CPXM2: variants seen among roughly 807,000 people sequenced by gnomAD.
The protein encoded by CPXM2 is inactive carboxypeptidase-like protein X2.
CPXM2 carries 66 observed loss-of-function variants against 86.1 expected under a neutral mutation model. The ratio of observed to expected loss-of-function variants is 0.77; its 90% CI spans 0.63 to 0.94. CPXM2 has a LOEUF of 0.94. CPXM2 is among the 40% of genes least tolerant of loss of function. CPXM2 has a pLI of 0.00. For missense variants in CPXM2, 948 were observed against 1,026.3 expected, an observed-to-expected ratio of 0.92 and a Z score of 1.04; for synonymous variants, 388 against 400.2, an observed-to-expected ratio of 0.97 and a Z score of 0.36.
chr10:123,875,805 T>G (rs1352500149), intron 2 of CPXM2, among the ~76,000 whole-genome samples: 5 of 108,664 alleles, frequency 4.6e-5, no homozygotes, highest in Non-Finnish European at 8.8e-5. Flanking sequence ...TTTCTTTTCT[T>G]TCTTTTTTTT....
intron 2 of CPXM2, among the ~76,000 whole-genome samples, chr10:123,938,542 T>C (rs772281276): frequency 6.6e-6 from 1 of 152,196 alleles, no homozygotes; most frequent in African/African-American, 2.4e-5. Context: ...TCCCAGGAGA[T>C]GTCTTCATAG....
At chr10:123,914,549 A>G (rs28722929) in intron 2 of CPXM2, among the ~76,000 whole-genome samples, 58,214 of 151,918 alleles carry the variant, frequency 0.38, 11,360 homozygotes, top group Middle Eastern at 0.58. Context: ...TCGAAAGGTG[A>G]ACTCCCCATT....
intron 2 of CPXM2, among the ~76,000 whole-genome samples, chr10:123,876,975 T>C (rs1944998866): frequency 6.6e-6 from 1 of 152,230 alleles, no homozygotes; most frequent in Admixed American, 6.5e-5. Flanking sequence ...TCTCAAGTGT[T>C]AGTCTGATCC....
chr10:123,837,295 C>T (rs1176965620), intron 4 of CPXM2, among the ~76,000 whole-genome samples: 2 of 152,222 alleles, frequency 1.3e-5, no homozygotes, highest in African/African-American at 4.8e-5. Context: ...ATTAGCCTAC[C>T]TCCTTCTTAT....
chr10:123,886,620 G>A (rs1945181838), intron 1 of CPXM2, among the ~76,000 whole-genome samples: 2 of 152,026 alleles, frequency 1.3e-5, no homozygotes, highest in African/African-American at 2.4e-5. Flanking sequence ...TTCAAACAGC[G>A]GTGCATTCTC....
chr10:123,936,008 TACC>T, intron 2 of CPXM2, among the ~76,000 whole-genome samples: 1 of 70,038 alleles, frequency 1.4e-5, no homozygotes, highest in African/African-American at 5.1e-5. Context: ...CCAGCATCCT[TACC>T]ATCATCACCA....
chr10:123,899,642 C>A (rs1394087820), intron 2 of CPXM2, among the ~76,000 whole-genome samples: 1 of 152,272 alleles, frequency 6.6e-6, no homozygotes, highest in East Asian at 1.9e-4. Flanking sequence ...CGCAGTGAGA[C>A]CCTGGGAGGA....
chr10:123,798,976 T>C (rs1395524521), intron 5 of CPXM2, 139 bp downstream of exon 5: 1 of 912,824 alleles, frequency 1.1e-6, no homozygotes, highest in Non-Finnish European at 1.7e-6. Flanking sequence ...AAAGGGTCTC[T>C]GTCCATCAGA....
chr10:123,797,826 G>A, intron 6 of CPXM2, 150 bp downstream of exon 6: 1 of 644,252 alleles, frequency 1.6e-6, no homozygotes, highest in South Asian at 8.2e-5. Context: ...TCAAGTGATT[G>A]ATTCTGCCTC....
chr10:123,749,180 A>C (rs1263654464), intron 13 of CPXM2, among the ~76,000 whole-genome samples: 1 of 151,756 alleles, frequency 6.6e-6, no homozygotes, highest in Non-Finnish European at 1.5e-5. Flanking sequence ...TGCCCCCACC[A>C]ACAGCTATTG....
intron 4 of CPXM2, among the ~76,000 whole-genome samples, chr10:123,809,290 C>A (rs891685395): frequency 6.6e-6 from 1 of 152,000 alleles, no homozygotes; most frequent in Non-Finnish European, 1.5e-5. Flanking sequence ...CGGTGATTCT[C>A]AACTTAATAA....
chr10:123,776,675 G>A (rs1396559877), intron 7 of CPXM2: 1 of 152,188 alleles, frequency 6.6e-6, no homozygotes, highest in Non-Finnish European at 1.5e-5. Flanking sequence ...CATGGAAAAT[G>A]GCTAATGATC....
chr10:123,883,984 T>C (rs1198367246), intron 1 of CPXM2, among the ~76,000 whole-genome samples: 1 of 152,220 alleles, frequency 6.6e-6, no homozygotes, highest in Non-Finnish European at 1.5e-5. Context: ...ATTGCCAATG[T>C]GGGCCACATG....
At chr10:123,804,034 A>T (rs578236434) in intron 4 of CPXM2, among the ~76,000 whole-genome samples, 1 of 152,268 alleles carries the variant, frequency 6.6e-6, no homozygotes, top group East Asian at 1.9e-4. Flanking sequence ...CTATTGCACC[A>T]GAGTGGAAAT....
intron 13 of CPXM2, chr10:123,752,356 G>T (rs1384147195): frequency 1.1e-5 from 11 of 984,878 alleles, no homozygotes; most frequent in Non-Finnish European, 1.3e-5. Flanking sequence ...GTGACAAATG[G>T]TAGGAATGTT....
At chr10:123,934,214 A>G (rs963552796) in intron 2 of CPXM2, among the ~76,000 whole-genome samples, 2 of 152,190 alleles carry the variant, frequency 1.3e-5, no homozygotes, top group Admixed American at 1.3e-4. Context: ...CGGGGCTGCC[A>G]TAGCCCAGCA....
intron 4 of CPXM2, among the ~76,000 whole-genome samples, chr10:123,801,155 T>C (rs1380076983): frequency 6.6e-6 from 1 of 152,194 alleles, no homozygotes; most frequent in Non-Finnish European, 1.5e-5. Flanking sequence ...CCACATGTTG[T>C]TGGGGGGACC....
At chr10:123,781,301 T>C (rs1846928431) in intron 6 of CPXM2, among the ~76,000 whole-genome samples, 1 of 152,140 alleles carries the variant, frequency 6.6e-6, no homozygotes, top group Non-Finnish European at 1.5e-5. Flanking sequence ...ATTGACTCCC[T>C]CTCTGCATTC....
intron 11 of CPXM2, among the ~76,000 whole-genome samples, chr10:123,760,483 G>A (rs1846307417): frequency 6.6e-6 from 1 of 152,206 alleles, no homozygotes; most frequent in South Asian, 2.1e-4. Context: ...TTTTAAAATG[G>A]CCAGGGAAAC....
Sources: allele counts gnomAD v4.1 joint callset (sites outside exome capture counted in the v4.1 genomes callset), GRCh38; gene constraint gnomAD v4.1.1; transcripts MANE v1.5; gene names NCBI Gene and HGNC (gene_info 2026-07-23, HGNC 2026-07-21).